The following MYRF variants were observed in gnomAD, a reference collection of about 807,000 sequenced individuals.
MYRF encodes myelin gene regulatory factor.
Under a neutral mutation model 126.3 loss-of-function variants are expected in MYRF, and 16 were observed. The observed-to-expected ratio is 0.13, with a 90% CI of 0.09 to 0.19. The LOEUF is 0.19. MYRF is among the 10% of genes least tolerant of loss of function. The probability of loss-of-function intolerance (pLI) is 1.00; values close to 1 mark genes in which losing one functional copy is unlikely to be tolerated. For synonymous variants in MYRF, 608 were observed against 635.3 expected (o/e 0.96, Z 0.65); for missense variants, 1,104 against 1,547.0 (o/e 0.71, Z 4.80).
At position 61,777,195 on chromosome 11, in the gene MYRF, C is replaced by T. The variant is rs536260885; in HGVS notation, c.1591-69C>T. On this transcript the variant is annotated intron_variant, in intron 11 of 26. Coordinates refer to ENST00000278836, the MANE Select transcript of MYRF (RefSeq NM_001127392.3). This position sits in a 1 kb window ranked among gnomAD's most constrained non-coding sequence, Gnocchi z 8.8. ...GGGGAGGGGCTGCTGTGGAGTTTCC[C>T]CCTGCTCCCAGGGCCCTGCAGGTCC... is the stretch of plus-strand genomic sequence containing the variant. 8 of 1,516,208 alleles carry T rather than the reference C, an allele frequency of 5.3e-6. No homozygotes were observed. Among genetic ancestry groups the T allele is most frequent in the Non-Finnish European group, 7.2e-6 (8 of 1,110,536 alleles). 93.9% of individuals were successfully genotyped at this position (1,516,208 alleles called of 1,614,324 possible).
At chr11:61,765,325 G>A (rs1166342553) in intron 1 of MYRF, among the ~76,000 whole-genome samples, 4 of 152,222 alleles carry the variant, frequency 2.6e-5, no homozygotes, top group Non-Finnish European at 5.9e-5. Flanking sequence ...CTGTCACACA[G>A]CTAGAAAGAG....
Position 61,778,366 on chromosome 11 carries a change from T to TC in MYRF, c.1904-10dup, listed in dbSNP as rs778155986. The TC allele has an allele frequency of 1.3e-6, 2 of 1,593,666 alleles. No homozygotes were observed. The highest frequency in any genetic ancestry group is 1.7e-6 in the Non-Finnish European group (2 of 1,161,672). On this transcript the variant is annotated splice_polypyrimidine_tract_variant and intron_variant, in intron 13 of 26. Coordinates refer to ENST00000278836, the MANE Select transcript of MYRF (RefSeq NM_001127392.3). The surrounding 1 kb of genome is among the most constrained non-coding windows in gnomAD (Gnocchi z 4.6). ...CACCCCCCCACCCATCTTTGGCTTG[T>TC]CCCCTGCCCCCAGGTGTCATCGCTC...
intron 5 of MYRF, among the ~76,000 whole-genome samples, chr11:61,771,119 G>A (rs933651761): frequency 3.9e-5 from 6 of 152,196 alleles, no homozygotes; most frequent in African/African-American, 1.4e-4. Flanking sequence ...TCTGATCACA[G>A]GGCCTGCTCT....
intron 3 of MYRF, among the ~76,000 whole-genome samples, chr11:61,767,793 G>C (rs1044213471): frequency 3.3e-5 from 4 of 121,198 alleles, no homozygotes; most frequent in South Asian, 3.1e-4. Context: ...CACTGCTAGG[G>C]ACAGAGTAAG....
chr11:61,776,678 T>C lies in MYRF; in HGVS notation c.1500-109T>C, dbSNP rs1591117343. On this transcript the variant is annotated intron_variant, in intron 10 of 26. Coordinates refer to ENST00000278836, the MANE Select transcript of MYRF (RefSeq NM_001127392.3). This position sits in a 1 kb window ranked among gnomAD's most constrained non-coding sequence, Gnocchi z 4.3. ...TTCTGCCCCCTGGTGGAGGCTCGGG[T>C]TCCTCCTCTGTAGGAGGGGGTGAGA... 1 of 922,738 alleles carries C rather than the reference T, an allele frequency of 1.1e-6. No homozygotes were observed. Among genetic ancestry groups the C allele is most frequent in the Admixed American group, 2.8e-5 (1 of 36,054 alleles). The allele number at this position is 922,738 out of a possible 1,614,324, so 57.2% of individuals were successfully genotyped here.
At chr11:61,768,032 C>T (rs1347738141) in intron 3 of MYRF, among the ~76,000 whole-genome samples, 3 of 150,054 alleles carry the variant, frequency 2.0e-5, no homozygotes, top group African/African-American at 7.4e-5. Context: ...GCACAAGAAT[C>T]GTTTGAACCT....
chr11:61,775,453 C>T (rs775682344), intron 8 of MYRF, among the ~76,000 whole-genome samples: 10 of 152,218 alleles, frequency 6.6e-5, no homozygotes, highest in African/African-American at 9.6e-5. Context: ...CATTGGGAGG[C>T]ACCACAGCAC....
Position 61,781,659 on chromosome 11 carries a change from C to G in MYRF, c.2851C>G (p.His951Asp). ...AGTCAATGGCATTGGCCACTCCAAG[C>G]ATCACAAGAGTCTGGAGCCTCTGGC... ...LSVNGIGHSK[H>D]HKSLEPLASP... The change falls in exon 22 of 27, where the codon CAT (histidine) becomes GAT (aspartate). Residue 951 changes from histidine to aspartate, a missense_variant. His to Asp is a moderately conservative substitution (Grantham distance 81). Coordinates refer to ENST00000278836, the MANE Select transcript of MYRF (RefSeq NM_001127392.3). 3 of 1,613,818 alleles carry G rather than the reference C, an allele frequency of 1.9e-6. No homozygotes were observed. Among genetic ancestry groups the G allele is most frequent in the Non-Finnish European group, 2.5e-6 (3 of 1,180,028 alleles).
Position 61,781,003 on chromosome 11 carries a change from T to C in MYRF, c.2530T>C (p.Leu844=), listed in dbSNP as rs1247706730. The change falls in exon 20 of 27, where the codon TTG becomes CTG. Residue 844 remains leucine, a synonymous_variant. Coordinates refer to ENST00000278836, the MANE Select transcript of MYRF (RefSeq NM_001127392.3). Reference sequence around the variant, plus strand: ...GACCACGCAGCTCCGACAGTCCCCCTTGACCACGGGGCTACCAGGCATACA... The same window carrying C: ...GACCACGCAGCTCCGACAGTCCCCCCTGACCACGGGGCTACCAGGCATACA... The part of the protein sequence containing the change: ...FGTTQLRQSP[L]TTGLPGIQPS... The C allele has an allele frequency of 2.5e-6, 4 of 1,610,216 alleles. No homozygotes were observed. The highest frequency in any genetic ancestry group is 3.4e-6 in the Non-Finnish European group (4 of 1,179,990).
At chr11:61,775,775 T>G in intron 8 of MYRF, among the ~76,000 whole-genome samples, 1 of 109,674 alleles carries the variant, frequency 9.1e-6, no homozygotes. Context: ...GGGTGTGGAA[T>G]GGGGGTGTGG....
At position 61,778,534 on chromosome 11, in the gene MYRF, AGCCAGC is replaced by A; in HGVS notation, c.2013+46_2013+51del. 1 of 1,409,962 alleles carries A rather than the reference AGCCAGC, an allele frequency of 7.1e-7. No homozygotes were observed. The highest frequency in any genetic ancestry group is 1.0e-6 in the Non-Finnish European group (1 of 994,456). The allele number at this position is 1,409,962 out of a possible 1,614,324, so 87.3% of individuals were successfully genotyped here. The stretch of plus-strand genomic sequence containing the variant: ...GGAGGGAGCCCAGAGGCAAGTGGGG[AGCCAGC>A]TGGGGAACACTCATCACCTCCATAG... On this transcript the variant is annotated intron_variant, in intron 14 of 26. Transcript: ENST00000278836. The surrounding 1 kb of genome is among the most constrained non-coding windows in gnomAD (Gnocchi z 4.6).
rs767162746 is a variant in MYRF, at chr11:61,776,811, C to G, written c.1524C>G (p.Leu508=). The change falls in exon 11 of 27, where the codon CTC becomes CTG. Residue 508 remains leucine (L), a synonymous_variant. Transcript: ENST00000278836. The surrounding 1 kb of genome is among the most constrained non-coding windows in gnomAD (Gnocchi z 4.3). ...DQRYFMLVVA[L]QAHAQNQNYT... is the part of the protein sequence containing the mutation. The stretch of plus-strand genomic sequence containing the variant: ...GGTACTTCATGCTGGTGGTGGCCCT[C>G]CAGGCTCATGCACAGAACCAGAACT... The G allele has an allele frequency of 1.2e-6, 2 of 1,606,684 alleles. No homozygotes were observed. The highest frequency in any genetic ancestry group is 1.7e-6 in the Non-Finnish European group (2 of 1,176,932).
chr11:61,773,948 C>A lies in MYRF; in HGVS notation c.1116-19C>A. ...CCGGCTCTGGGGCCTCAGGGGAGTG[C>A]CCTCACCCGCCCCCCCAGGCCCATG... On this transcript the variant is annotated intron_variant, in intron 7 of 26. Coordinates refer to ENST00000278836, the MANE Select transcript of MYRF (RefSeq NM_001127392.3). The A allele has an allele frequency of 6.3e-7, 1 of 1,593,140 alleles. No homozygotes were observed. Among genetic ancestry groups the A allele is most frequent in the Non-Finnish European group, 8.6e-7 (1 of 1,169,066 alleles).
chr11:61,775,562 G>A (rs1349049061), intron 8 of MYRF, among the ~76,000 whole-genome samples: 1 of 152,194 alleles, frequency 6.6e-6, no homozygotes, highest in East Asian at 1.9e-4. Flanking sequence ...TGGTACCTTG[G>A]CATGGCTCTG....
intron 3 of MYRF, 141 bp from the exon 4 acceptor site, chr11:61,769,119 G>A (rs2066138463): frequency 1.7e-6 from 1 of 596,680 alleles, no homozygotes; most frequent in South Asian, 2.1e-5. Flanking sequence ...GCGGAGAAAT[G>A]CCCCTAAGGG....
chr11:61,779,627 C>T, intron 16 of MYRF, 57 bp downstream of exon 16: 3 of 1,430,604 alleles, frequency 2.1e-6, no homozygotes, highest in Non-Finnish European at 2.8e-6. Flanking sequence ...TTGTGGCCTC[C>T]CTTTCTGGCT....
At chr11:61,759,574 G>A (rs2065849808) in intron 1 of MYRF, among the ~76,000 whole-genome samples, 1 of 152,168 alleles carries the variant, frequency 6.6e-6, no homozygotes. Flanking sequence ...GGAGGCTGAG[G>A]TGGGAGAATC....
At chr11:61,763,644 A>G (rs1014376409) in intron 1 of MYRF, among the ~76,000 whole-genome samples, 13 of 152,236 alleles carry the variant, frequency 8.5e-5, no homozygotes, top group African/African-American at 3.1e-4. Context: ...CGGGCAGATC[A>G]CCTGAGGTCA....
In MYRF at chr11:61,771,986, G is replaced by GC. The variant is rs748562282; in HGVS notation, c.1115+41dup. 46 of 1,610,714 alleles carry GC rather than the reference G, an allele frequency of 2.9e-5. 1 individual carries two copies. The Middle Eastern group carries it at 5.1e-4, about 18-fold the overall frequency. ...CCTACAACACTCCCCACTCCTCCAG[G>GC]CCCCCCCACCTTGGGACGCCCCAGC... is the stretch of plus-strand genomic sequence containing the variant. On this transcript the variant is annotated intron_variant, in intron 7 of 26. Transcript: ENST00000278836.
Sources: gnomAD v4.1 joint callset for allele counts (sites outside exome capture counted in the v4.1 genomes callset) on GRCh38, gnomAD v4.1.1 for gene constraint, Gnocchi (gnomAD v3.1) non-coding constraint, MANE v1.5 for transcripts, NCBI Gene and HGNC (gene_info 2026-07-23, HGNC 2026-07-21) for gene names.